Variants in ARHGAP15 observed in about 807,000 individuals in gnomAD.
ARHGAP15 encodes Rho GTPase activating protein 15, also known as rho GTPase-activating protein 15.
ARHGAP15 carries 51 observed loss-of-function variants against 63.7 expected under a neutral mutation model. That is an observed-to-expected ratio of 0.80 (90% CI 0.64 to 1.01). The LOEUF (loss-of-function observed/expected upper bound fraction) is 1.01. Among genes scored for constraint, ARHGAP15 ranks in the 50% least tolerant of loss-of-function variants. The probability of loss-of-function intolerance (pLI) is 0.00; values close to 1 mark genes in which losing one functional copy is unlikely to be tolerated. For synonymous variants in ARHGAP15, 191 were observed against 193.8 expected (o/e 0.99, Z 0.12); for missense variants, 560 against 564.6 (o/e 0.99, Z 0.08).
At chr2:143,530,177 A>G (rs1363453983) in intron 10 of ARHGAP15, among the ~76,000 whole-genome samples, 1 of 152,200 alleles carries the variant, frequency 6.6e-6, no homozygotes, top group African/African-American at 2.4e-5. Flanking sequence ...ACGTAAAGTC[A>G]TATTATCCAG....
chr2:143,725,108 C>T (rs1304255713), intron 13 of ARHGAP15, among the ~76,000 whole-genome samples: 4 of 152,146 alleles, frequency 2.6e-5, no homozygotes, highest in African/African-American at 7.2e-5. Flanking sequence ...ATTGTTAATC[C>T]ACATATGATA....
intron 6 of ARHGAP15, among the ~76,000 whole-genome samples, chr2:143,356,161 C>T (rs901510491): frequency 1.3e-5 from 2 of 152,100 alleles, no homozygotes; most frequent in Non-Finnish European, 2.9e-5. Context: ...AATTTAATAA[C>T]CTTTTGCATG....
At chr2:143,301,294 G>A (rs145419984) in intron 6 of ARHGAP15, among the ~76,000 whole-genome samples, 2 of 151,748 alleles carry the variant, frequency 1.3e-5, no homozygotes, top group Non-Finnish European at 2.9e-5. Context: ...AATAAACAAA[G>A]CCCATTTGTT....
At chr2:143,147,271 T>C (rs1184143844) in intron 1 of ARHGAP15, among the ~76,000 whole-genome samples, 2 of 152,060 alleles carry the variant, frequency 1.3e-5, no homozygotes, top group African/African-American at 2.4e-5. Flanking sequence ...CAACTTGTTC[T>C]AGAGCTGATG....
At chr2:143,201,261 G>T in intron 2 of ARHGAP15, among the ~76,000 whole-genome samples, 1 of 151,308 alleles carries the variant, frequency 6.6e-6, no homozygotes, top group African/African-American at 2.4e-5. Context: ...CTGACTATAG[G>T]TGTGTGCCAC....
At chr2:143,379,485 A>ATGTGTGTGTGTGTG (rs1234683861) in intron 6 of ARHGAP15, among the ~76,000 whole-genome samples, 6 of 90,096 alleles carry the variant, frequency 6.7e-5, no homozygotes, top group Non-Finnish European at 1.5e-4. Flanking sequence ...TTAGGCATAT[A>ATGTGTGTGTGTGTG]TATGTGTGTG....
At chr2:143,541,699 G>T (rs986210872) in intron 10 of ARHGAP15, among the ~76,000 whole-genome samples, 1 of 152,166 alleles carries the variant, frequency 6.6e-6, no homozygotes, top group Non-Finnish European at 1.5e-5. Context: ...GCGGATATTG[G>T]TGAACCGCAA....
chr2:143,236,461 A>T (rs1693651518), intron 5 of ARHGAP15: 1 of 152,298 alleles, frequency 6.6e-6, no homozygotes, highest in Non-Finnish European at 1.5e-5. Flanking sequence ...TCACTACGAT[A>T]GGTGTTCTGA....
At chr2:143,500,316 A>G (rs1692999536) in intron 9 of ARHGAP15, among the ~76,000 whole-genome samples, 1 of 151,532 alleles carries the variant, frequency 6.6e-6, no homozygotes, top group African/African-American at 2.4e-5. Flanking sequence ...GCATCAATCT[A>G]CAGTAACACA....
intron 6 of ARHGAP15, among the ~76,000 whole-genome samples, chr2:143,381,758 C>G (rs1687062682): frequency 6.6e-6 from 1 of 152,112 alleles, no homozygotes; most frequent in Admixed American, 6.6e-5. Context: ...CTCAATGCAG[C>G]ACCTCACAAA....
At chr2:143,144,315 T>C (rs1689491285) in intron 1 of ARHGAP15, among the ~76,000 whole-genome samples, 1 of 152,032 alleles carries the variant, frequency 6.6e-6, no homozygotes, top group African/African-American at 2.4e-5. Context: ...TCCTTAGTTC[T>C]TTGAGAAATC....
intron 6 of ARHGAP15, among the ~76,000 whole-genome samples, chr2:143,372,984 T>TAAAAAAAAAAAAAAAAAAA (rs34460482): frequency 7.3e-6 from 1 of 136,700 alleles, no homozygotes; most frequent in African/African-American, 2.7e-5. Context: ...TCTCTCCTCT[T>TAAAAAAAAAAAAAAAAAAA]AAAAAAAAAA....
intron 10 of ARHGAP15, among the ~76,000 whole-genome samples, chr2:143,540,376 A>C (rs1694990498): frequency 1.3e-5 from 2 of 152,318 alleles, no homozygotes; most frequent in Admixed American, 6.5e-5. Context: ...TAGCCCATTT[A>C]CATTTAAGGT....
chr2:143,452,752 G>T (rs907000194), intron 8 of ARHGAP15, among the ~76,000 whole-genome samples: 9 of 150,302 alleles, frequency 6.0e-5, no homozygotes, highest in Non-Finnish European at 1.2e-4. Context: ...AACAAAAGAT[G>T]TAATTAGACT....
At chr2:143,402,416 G>A (rs549814720) in intron 6 of ARHGAP15, among the ~76,000 whole-genome samples, 12 of 151,872 alleles carry the variant, frequency 7.9e-5, no homozygotes, top group African/African-American at 2.2e-4. Flanking sequence ...AAAGGTACTA[G>A]GGAAGATTTA....
At chr2:143,673,580 G>A (rs1022539059) in intron 12 of ARHGAP15, among the ~76,000 whole-genome samples, 8 of 151,148 alleles carry the variant, frequency 5.3e-5, no homozygotes, top group Admixed American at 5.3e-4. Context: ...TTACAGGTGT[G>A]AGCCACCACA....
intron 11 of ARHGAP15, among the ~76,000 whole-genome samples, chr2:143,575,615 T>A (rs1056572718): frequency 6.6e-6 from 1 of 152,178 alleles, no homozygotes; most frequent in Admixed American, 6.6e-5. Context: ...TGCAGACTTT[T>A]CATTTTCATT....
At chr2:143,635,122 C>T (rs1344363412) in intron 12 of ARHGAP15, among the ~76,000 whole-genome samples, 1 of 146,292 alleles carries the variant, frequency 6.8e-6, no homozygotes, top group Admixed American at 6.9e-5. Context: ...CCACACAATA[C>T]TCTAGCTTTG....
chr2:143,190,706 T>G (rs982109983), intron 2 of ARHGAP15, among the ~76,000 whole-genome samples: 1 of 152,220 alleles, frequency 6.6e-6, no homozygotes, highest in Admixed American at 6.5e-5. Flanking sequence ...CTTGACCATA[T>G]CTTCATGGTA....
Sources: allele counts gnomAD v4.1 joint callset (sites outside exome capture counted in the v4.1 genomes callset), GRCh38; gene constraint gnomAD v4.1.1; transcripts MANE v1.5; gene names NCBI Gene and HGNC (gene_info 2026-07-23, HGNC 2026-07-21).